Variants in PRAMEF14 observed in about 807,000 individuals in gnomAD.
PRAMEF14 encodes PRAME family member 14.
A neutral mutation model predicts 38.3 loss-of-function variants in PRAMEF14; 24 were observed. The ratio of observed to expected loss-of-function variants is 0.63; its 90% confidence interval spans 0.45 to 0.88. The LOEUF is 0.88. PRAMEF14 is among the 40% of genes least tolerant of loss of function. The probability of loss-of-function intolerance (pLI) is 0.00; values close to 1 mark genes in which losing one functional copy is unlikely to be tolerated. For missense variants in PRAMEF14, 477 were observed against 570.8 expected, an observed-to-expected ratio of 0.84 and a Z score of 1.67; for synonymous variants, 194 against 226.4, an observed-to-expected ratio of 0.86 and a Z score of 1.29.
At position 13,343,087 on chromosome 1, in the gene PRAMEF14, C is replaced by G. The variant is rs1183466435; in HGVS notation, c.867-1G>C. ...GTTCTCCAAGGGGTTCTGGAGGCAC[C>G]TGTGGAGATCAAGAAGTTAGTTCTG... is the stretch of plus-strand genomic sequence containing the variant. On this transcript the variant is annotated splice_acceptor_variant, in intron 3 of 3. Coordinates refer to ENST00000334600, the MANE Select transcript of PRAMEF14 (RefSeq NM_001024661.2). LOFTEE classifies it high-confidence loss of function. The G allele has an allele frequency of 9.3e-6, 15 of 1,608,942 alleles. No homozygotes were observed. In the African/African-American group the frequency reaches 1.3e-4, roughly 14 times the overall value.
rs2100352753 is a variant in PRAMEF14 at position 13,344,410 on chromosome 1, C to T, written c.494G>A (p.Arg165Lys). Residue 165 changes from arginine to lysine, a missense_variant, in exon 3 of 4, where the codon AGA becomes AAA. Arg to Lys is a conservative substitution (Grantham distance 26). Around this residue, in one of 4 missense-constraint regions of PRAMEF14, gnomAD observed 234 missense variants for 247.4 expected, o/e 0.95. Transcript: ENST00000334600. ...LKEIPQDECL[R>K]YLFQWVYQRR... ...TTGGTAAACCCACTGAAAGAGGTAT[C>T]TCAGGCATTCATCCTGGGGTATTTC... The T allele has an allele frequency of 3.1e-6, 5 of 1,604,444 alleles. 1 individual carries two copies. In the East Asian group the frequency reaches 1.2e-4, roughly 38 times the overall value.
In PRAMEF14 at chr1:13,344,319, G is replaced by T. The variant is rs1640372731; in HGVS notation, c.585C>A (p.Leu195=). ...GGTATATTATTTTCAATGACTTTCT[G>T]AGATGTTTAATCGGCGTTAGATAAT... is the stretch of plus-strand genomic sequence containing the variant. The part of the protein sequence containing the change: ...LVNYLTPIKH[L]RKSLKIIYLN... Residue 195 remains leucine, a synonymous_variant, in exon 3 of 4, where the codon CTC becomes CTA. Coordinates refer to ENST00000334600, the MANE Select transcript of PRAMEF14 (RefSeq NM_001024661.2). The T allele has an allele frequency of 1.2e-5, 20 of 1,607,876 alleles. 3 individuals are homozygous for T. The South Asian group carries it at 2.1e-4, about 17-fold the overall frequency.
In PRAMEF14 at chr1:13,344,034, T is replaced by G; in HGVS notation, c.866+4A>C. The G allele has an allele frequency of 6.2e-7, 1 of 1,608,380 alleles. No individual in the cohort carries two copies. On this transcript the variant is annotated splice_donor_region_variant and intron_variant, in intron 3 of 3. Transcript: ENST00000334600. ...TGCATATAAAGTGCATGATCCTTCC[T>G]CACCTGATCAGCTGTTCCAGGTGCC...
At chr1:13,344,753 C>A in intron 2 of PRAMEF14, 137 bp from the exon 3 acceptor site, 1 of 1,448,868 alleles carries the variant, frequency 6.9e-7, no homozygotes, top group South Asian at 1.3e-5. Flanking sequence ...ATCCCTGTTC[C>A]CTTTTGATTC....
Position 13,345,635 on chromosome 1 carries a change from C to T in PRAMEF14, c.-25-296G>A, listed in dbSNP as rs1252415799. On this transcript the variant is annotated intron_variant, in intron 1 of 3. Coordinates refer to ENST00000334600, the MANE Select transcript of PRAMEF14 (RefSeq NM_001024661.2). ...CCAGACAGCCTCCATTCTCAGTTCA[C>T]ACCATAAACGTGCTGGGGGAACACT... Among the ~76,000 whole-genome samples, 6 of 150,784 alleles carry T rather than the reference C, an allele frequency of 4.0e-5. No homozygotes were observed. In the East Asian group the frequency reaches 8.6e-4, roughly 22 times the overall value.
In PRAMEF14 at chr1:13,345,010, C is replaced by CT. The variant is rs1310987918; in HGVS notation, c.287+17_287+18insA. On this transcript the variant is annotated intron_variant, in intron 2 of 3. Coordinates refer to ENST00000334600, the MANE Select transcript of PRAMEF14 (RefSeq NM_001024661.2). Reference sequence around the variant, plus strand: ...GGACACCTGAGCCCTATCTACCAGCCCTCCTGGGTCACCTCACCTGGGGCG... The same window carrying CT: ...GGACACCTGAGCCCTATCTACCAGCCTCTCCTGGGTCACCTCACCTGGGGCG... 1 of 1,449,572 alleles carries CT rather than the reference C, an allele frequency of 6.9e-7. No homozygotes were observed. Among genetic ancestry groups the CT allele is most frequent in the African/African-American group, 1.4e-5 (1 of 71,130 alleles). The allele number at this position is 1,449,572 out of a possible 1,614,324, so 89.8% of individuals were successfully genotyped here. A position where few individuals can be genotyped will look rare whatever the true frequency, so the allele number is the denominator to read the frequency against.
chr1:13,344,591 A>C lies in PRAMEF14; in HGVS notation c.313T>G (p.Leu105Val). The change falls in exon 3 of 4, where the codon TTG (leucine) becomes GTG (valine). Residue 105 changes from leucine (L) to valine (V), a missense_variant. Around this residue, in one of 4 missense-constraint regions of PRAMEF14, gnomAD observed 234 missense variants for 247.4 expected, o/e 0.95. Transcript: ENST00000334600. ...PRRWKLQVLDLRDVDENFWAR... is the reference protein window; with the variant it reads ...PRRWKLQVLDVRDVDENFWAR... The stretch of plus-strand genomic sequence containing the variant: ...CAGAAATTCTCATCAACATCCCGCA[A>C]ATCCAGCACTTGAAGTTTCCACCTC... The C allele has an allele frequency of 6.2e-7, 1 of 1,604,132 alleles. No individual in the cohort carries two copies. The highest frequency in any genetic ancestry group is 1.1e-5 in the South Asian group (1 of 90,424).
Position 13,342,297 on chromosome 1 carries a change from A to T in PRAMEF14, c.*231T>A. On this transcript the variant is annotated 3_prime_UTR_variant, in exon 4 of 4. Transcript: ENST00000334600. ...AGTCACTCATGCCAGTAATCCCAGCACTTTAGGAAGCTGAGGCAGGAGGAT... is the reference window on the plus strand; with the variant it reads ...AGTCACTCATGCCAGTAATCCCAGCTCTTTAGGAAGCTGAGGCAGGAGGAT... The T allele has an allele frequency of 1.3e-6, 1 of 744,254 alleles. No individual in the cohort carries two copies. The highest frequency in any genetic ancestry group is 2.1e-6 in the Non-Finnish European group (1 of 484,374). 46.1% of individuals were successfully genotyped at this position (744,254 alleles called of 1,614,324 possible).
At chr1:13,345,448 A>G in intron 1 of PRAMEF14, 109 bp from the exon 2 acceptor site, 21 of 1,344,666 alleles carry the variant, frequency 1.6e-5, no homozygotes, top group Non-Finnish European at 2.1e-5. Flanking sequence ...GGAGGGGTCA[A>G]GGAGACCACT....
chr1:13,344,723 G>T, intron 2 of PRAMEF14, 107 bp from the exon 3 acceptor site: 1 of 1,492,596 alleles, frequency 6.7e-7, no homozygotes. Context: ...AGTGCTCCCT[G>T]TTCTCTTTGT....
In PRAMEF14 at chr1:13,344,166, C is replaced by G. The variant is rs1197965709; in HGVS notation, c.738G>C (p.Met246Ile). 135 of 1,605,932 alleles carry G rather than the reference C, an allele frequency of 8.4e-5. 7 individuals carry two copies. Among genetic ancestry groups the G allele is most frequent in the Non-Finnish European group, 1.1e-4 (135 of 1,177,030 alleles). Residue 246 changes from methionine to isoleucine, a missense_variant, in exon 3 of 4, where the codon ATG becomes ATC. Around this residue, in one of 4 missense-constraint regions of PRAMEF14, gnomAD observed 234 missense variants for 247.4 expected, o/e 0.95. Transcript: ENST00000334600. Reference protein sequence around the residue: ...KLVFSRCHHSMSDNELEGRLV... With the variant: ...KLVFSRCHHSISDNELEGRLV... ...ACCGTCCTTCGAGTTCATTATCTGA[C>G]ATGGAATGATGGCACCTGGAGAAAA... is the stretch of plus-strand genomic sequence containing the variant.
chr1:13,345,100 G>A lies in PRAMEF14; in HGVS notation c.215C>T (p.Thr72Met), dbSNP rs1399633588. Residue 72 changes from threonine (T) to methionine (M), a missense_variant, in exon 2 of 4, where the codon ACG (threonine) becomes ATG (methionine). This residue lies in a region of PRAMEF14 where 58 missense variants were observed against 119.9 expected (regional missense o/e 0.48). Coordinates refer to ENST00000334600, the MANE Select transcript of PRAMEF14 (RefSeq NM_001024661.2). ...TCLPLGSLMK[T>M]LHLETLKALL... The stretch of plus-strand genomic sequence containing the variant: ...TGCTTTTAAGGTCTCCAAATGAAGC[G>A]TCTTCATCAGTGATCCCAGAGGGAG... 2.5e-5 allele frequency: 39 copies of A among 1,587,362 alleles called. No homozygotes were observed. The highest frequency in any genetic ancestry group is 2.2e-4 in the Middle Eastern group (1 of 4,490).
rs757548217 is a variant in PRAMEF14, at chr1:13,342,900, G to A, written c.1053C>T (p.Leu351=). 2.2e-5 allele frequency: 35 copies of A among 1,607,786 alleles called. 2 individuals carry two copies. In the East Asian group the frequency reaches 5.1e-4, roughly 23 times the overall value. Residue 351 remains leucine (L), a synonymous_variant, in exon 4 of 4, where the codon CTC becomes CTT. Coordinates refer to ENST00000334600, the MANE Select transcript of PRAMEF14 (RefSeq NM_001024661.2). ...GALLEKIAAS[L]ETLILEGCQI... is the part of the protein sequence containing the mutation. ...GACAGCCCTCCAAGATGAGGGTTTC[G>A]AGAGAGGCAGCAATTTTCTCTAGCA...
At chr1:13,345,894 A>G (rs1440525937) in intron 1 of PRAMEF14, among the ~76,000 whole-genome samples, 1 of 151,850 alleles carries the variant, frequency 6.6e-6, no homozygotes, top group Non-Finnish European at 1.5e-5. Context: ...GGTTGCAGTG[A>G]GCCAAGATCT....
Position 13,345,403 on chromosome 1 carries a change from G to C in PRAMEF14, c.-25-64C>G, listed in dbSNP as rs1481380604. 9.1e-5 allele frequency: 131 copies of C among 1,440,450 alleles called. 3 individuals carry two copies. The highest frequency in any genetic ancestry group is 1.2e-4 in the Non-Finnish European group (128 of 1,068,062). The allele number at this position is 1,440,450 out of a possible 1,614,324, so 89.2% of individuals were successfully genotyped here. On this transcript the variant is annotated intron_variant, in intron 1 of 3. Coordinates refer to ENST00000334600, the MANE Select transcript of PRAMEF14 (RefSeq NM_001024661.2). ...GCAAACACAATCATCTGCTTCTACT[G>C]GTACCAGGAAGAATGTCTTCCAAAC...
In PRAMEF14 at chr1:13,342,776, C is replaced by A. The variant is rs1397332518; in HGVS notation, c.1177G>T (p.Ala393Ser). 1.3e-5 allele frequency: 21 copies of A among 1,603,918 alleles called. 3 individuals carry two copies. Among genetic ancestry groups the A allele is most frequent in the Non-Finnish European group, 1.8e-5 (21 of 1,176,972 alleles). Residue 393 changes from alanine (A) to serine (S), a missense_variant, in exon 4 of 4, where the codon GCC becomes TCC. Around this residue, in one of 4 missense-constraint regions of PRAMEF14, gnomAD observed 151 missense variants for 137.4 expected, o/e 1.10. Transcript: ENST00000334600. Reference sequence around the variant, plus strand: ...GTGTGGCACAACAGGTCCTTCAGGGCACCCATAGACATACAATTTCTGCCA... The same window carrying A: ...GTGTGGCACAACAGGTCCTTCAGGGAACCCATAGACATACAATTTCTGCCA... ...YFGRNCMSMG[A>S]LKDLLCHTSG...
chr1:13,343,870 G>A, intron 3 of PRAMEF14, 168 bp downstream of exon 3: 1 of 1,505,814 alleles, frequency 6.6e-7, no homozygotes, highest in Non-Finnish European at 8.9e-7. Flanking sequence ...TCCTGTGATA[G>A]CCACTCCAGG....
Position 13,344,259 on chromosome 1 carries a change from C to A in PRAMEF14, c.645G>T (p.Met215Ile). ...GCTTTCTTATCAGACGTGGCCAGGA[C>A]ATGTTGCGAATTTCCAGCTGTTGAA... Reference protein sequence around the residue: ...NSIQQLEIRNMSWPRLIRKLR... With the variant: ...NSIQQLEIRNISWPRLIRKLR... Residue 215 changes from methionine (M) to isoleucine (I), a missense_variant, in exon 3 of 4, where the codon ATG becomes ATT. Transcript: ENST00000334600. 6.2e-7 allele frequency: 1 copy of A among 1,606,148 alleles called. No individual in the cohort carries two copies. The highest frequency in any genetic ancestry group is 8.5e-7 in the Non-Finnish European group (1 of 1,177,022).
chr1:13,344,102 G>A lies in PRAMEF14; in HGVS notation c.802C>T (p.His268Tyr). The change falls in exon 3 of 4, where the codon CAC (histidine) becomes TAC (tyrosine). Residue 268 changes from histidine (H) to tyrosine (Y), a missense_variant. Coordinates refer to ENST00000334600, the MANE Select transcript of PRAMEF14 (RefSeq NM_001024661.2). The part of the protein sequence containing the change: ...KFSSVFLRLE[H>Y]LQLLKIKLIT... The stretch of plus-strand genomic sequence containing the variant: ...AATTTTATTTTAAGCAACTGGAGGT[G>A]TTCCAGCCTGAGGAACACAGAGCTG... 1 of 1,608,270 alleles carries A rather than the reference G, an allele frequency of 6.2e-7. No homozygotes were observed. Among genetic ancestry groups the A allele is most frequent in the Non-Finnish European group, 8.5e-7 (1 of 1,178,294 alleles).
Sources: gnomAD v4.1 joint callset for allele counts (sites outside exome capture counted in the v4.1 genomes callset) on GRCh38, gnomAD v4.1.1 for gene constraint, gnomAD v4.1.1 regional missense constraint, MANE v1.5 for transcripts, NCBI Gene and HGNC (gene_info 2026-07-23, HGNC 2026-07-21) for gene names.